The following CRPPA variants were observed in gnomAD, a reference collection of about 807,000 sequenced individuals.
CRPPA encodes D-ribitol-5-phosphate cytidylyltransferase.
CRPPA carries 43 observed loss-of-function variants against 52.0 expected under a neutral mutation model. The ratio of observed to expected loss-of-function variants is 0.83; its 90% CI spans 0.65 to 1.07. The LOEUF is 1.07. Among genes scored for constraint, CRPPA ranks in the 50% least tolerant of loss-of-function variants. The probability of loss-of-function intolerance (pLI) is 0.00; values close to 1 mark genes in which losing one functional copy is unlikely to be tolerated. For missense variants in CRPPA, 629 were observed against 551.7 expected, an observed-to-expected ratio of 1.14 and a Z score of -1.40; for synonymous variants, 250 against 203.5, an observed-to-expected ratio of 1.23 and a Z score of -1.94.
intron 9 of CRPPA, among the ~76,000 whole-genome samples, chr7:16,193,650 A>T (rs1183079383): frequency 2.6e-5 from 4 of 152,136 alleles, no homozygotes; most frequent in Admixed American, 2.6e-4. Context: ...TAAATATAAA[A>T]GGGATTAAAT....
At chr7:16,406,403 A>G in intron 1 of CRPPA, 66 bp from the exon 2 acceptor site, 1 of 1,363,626 alleles carries the variant, frequency 7.3e-7, no homozygotes, top group Non-Finnish European at 1.0e-6. Context: ...GTAACAGAAA[A>G]TTGAATCACT....
chr7:16,159,764 G>A (rs1783263774), intron 9 of CRPPA, among the ~76,000 whole-genome samples: 2 of 152,122 alleles, frequency 1.3e-5, no homozygotes, highest in Admixed American at 6.5e-5. Context: ...TCTACTTTTA[G>A]ATCCTTGAGG....
chr7:16,247,737 A>G (rs1034681702), intron 8 of CRPPA: 1 of 152,218 alleles, frequency 6.6e-6, no homozygotes, highest in African/African-American at 2.4e-5. Flanking sequence ...AAACTGAAGT[A>G]TGCCTACGTT....
chr7:16,302,295 CAAAAA>C (rs34666735), intron 4 of CRPPA, among the ~76,000 whole-genome samples: 4 of 53,374 alleles, frequency 7.5e-5, no homozygotes, highest in Non-Finnish European at 9.7e-5. Flanking sequence ...GACTCTGTCT[CAAAAA>C]AAAAAAAAAA....
At chr7:16,199,230 C>T (rs919509404) in intron 9 of CRPPA, among the ~76,000 whole-genome samples, 3 of 152,110 alleles carry the variant, frequency 2.0e-5, no homozygotes, top group Non-Finnish European at 4.4e-5. Flanking sequence ...CCACCTACCC[C>T]TTCATGCTCC....
At chr7:16,108,034 T>C (rs890774760) in intron 9 of CRPPA, among the ~76,000 whole-genome samples, 3 of 151,894 alleles carry the variant, frequency 2.0e-5, no homozygotes, top group Non-Finnish European at 4.4e-5. Context: ...ATTCAAAGCA[T>C]GCTAGCACAG....
chr7:16,284,120 G>C lies in CRPPA; in HGVS notation c.836-5894C>G, dbSNP rs561185119. Among the ~76,000 whole-genome samples the C allele has an allele frequency of 2.0e-5, 3 of 151,948 alleles. No individual in the cohort carries two copies. In the South Asian group the frequency reaches 6.3e-4, roughly 32 times the overall value. ...ATTAGGAAGCACACATCTGTAAAAG[G>C]ACAAATCAAGGGCAAGGAGATGGAC... On this transcript the variant is annotated intron_variant, in intron 5 of 9. Coordinates refer to ENST00000407010, the MANE Select transcript of CRPPA (RefSeq NM_001101426.4).
intron 8 of CRPPA, among the ~76,000 whole-genome samples, chr7:16,229,189 G>A (rs1782727595): frequency 6.6e-6 from 1 of 151,892 alleles, no homozygotes; most frequent in Non-Finnish European, 1.5e-5. Flanking sequence ...GGTAAAATTA[G>A]TCTCTCTTTG....
chr7:16,192,261 T>C (rs1246426294), intron 9 of CRPPA, among the ~76,000 whole-genome samples: 1 of 152,048 alleles, frequency 6.6e-6, no homozygotes, highest in East Asian at 1.9e-4. Context: ...GTTCACCCCT[T>C]AAGAATATAT....
At chr7:16,341,732 T>C (rs1785841402) in intron 3 of CRPPA, among the ~76,000 whole-genome samples, 1 of 152,180 alleles carries the variant, frequency 6.6e-6, no homozygotes, top group Non-Finnish European at 1.5e-5. Context: ...TTCCCAAATA[T>C]ATTTTACAAT....
At chr7:16,097,747 CAGG>C (rs920775162) in intron 9 of CRPPA, among the ~76,000 whole-genome samples, 1 of 152,090 alleles carries the variant, frequency 6.6e-6, no homozygotes, top group African/African-American at 2.4e-5. Flanking sequence ...TCAGGAAAAG[CAGG>C]AGATTTTCAC....
intron 2 of CRPPA, among the ~76,000 whole-genome samples, chr7:16,389,596 T>C (rs1297475072): frequency 6.6e-6 from 1 of 152,032 alleles, no homozygotes; most frequent in African/African-American, 2.4e-5. Flanking sequence ...ACAGAAGAGA[T>C]CTTGCTCAAC....
chr7:16,161,013 G>C (rs1233148881), intron 9 of CRPPA, among the ~76,000 whole-genome samples: 1 of 152,106 alleles, frequency 6.6e-6, no homozygotes, highest in African/African-American at 2.4e-5. Context: ...CATTGATTTT[G>C]TATCCTGAGA....
chr7:16,235,373 A>G (rs1782922675), intron 8 of CRPPA, among the ~76,000 whole-genome samples: 1 of 152,118 alleles, frequency 6.6e-6, no homozygotes, highest in Non-Finnish European at 1.5e-5. Context: ...TCTGTTAAAG[A>G]AATGCCTAAC....
intron 5 of CRPPA, among the ~76,000 whole-genome samples, chr7:16,286,045 ATATATAT>A (rs1562608429): frequency 0.021 from 159 of 7,638 alleles, 11 homozygotes; most frequent in Non-Finnish European, 0.028. Flanking sequence ...AAAAATATAA[ATATATAT>A]ATATATATAT....
intron 3 of CRPPA, among the ~76,000 whole-genome samples, chr7:16,354,226 A>T (rs1299855121): frequency 1.3e-5 from 2 of 152,172 alleles, no homozygotes; most frequent in Non-Finnish European, 2.9e-5. Flanking sequence ...TAATTTAATT[A>T]TTTTATCTGT....
At chr7:16,096,619 G>A (rs1781939769) in intron 9 of CRPPA, among the ~76,000 whole-genome samples, 1 of 152,042 alleles carries the variant, frequency 6.6e-6, no homozygotes, top group African/African-American at 2.4e-5. Context: ...TTTTGTTTTA[G>A]AAAATTTTGT....
chr7:16,216,593 G>A lies in CRPPA; in HGVS notation c.1120-396C>T, dbSNP rs538432169. 4.2e-5 allele frequency: 7 copies of A among 167,098 alleles called. No homozygotes were observed. The South Asian group carries it at 4.4e-4, about 10-fold the overall frequency. The allele number at this position is 167,098 out of a possible 1,614,324, so 10.4% of individuals were successfully genotyped here. ...AGGTCAGTGGGTGCGCGCACCGTGC[G>A]TGAGCGGAAGCAGGGCAAGGCATTG... On this transcript the variant is annotated intron_variant, in intron 8 of 9. Transcript: ENST00000407010.
intron 9 of CRPPA, among the ~76,000 whole-genome samples, chr7:16,093,332 T>G (rs1019504920): frequency 1.3e-5 from 2 of 152,196 alleles, no homozygotes; most frequent in African/African-American, 4.8e-5. Flanking sequence ...ATTGCTTACC[T>G]TCTTCACTCC....
Sources: allele counts gnomAD v4.1 joint callset (sites outside exome capture counted in the v4.1 genomes callset), GRCh38; gene constraint gnomAD v4.1.1; transcripts MANE v1.5; gene names NCBI Gene and HGNC (gene_info 2026-07-23, HGNC 2026-07-21).